Variants in GFRAL observed in about 807,000 individuals in gnomAD.
GFRAL encodes GDNF family receptor alpha like.
A neutral mutation model predicts 45.4 loss-of-function variants in GFRAL; 36 were observed. The observed-to-expected ratio is 0.79, with a 90% CI of 0.61 to 1.05. The LOEUF (loss-of-function observed/expected upper bound fraction) is 1.05. Ranked by LOEUF, GFRAL falls within the 50% of genes least tolerant of loss-of-function variation. The probability of loss-of-function intolerance (pLI) is 0.00; values close to 1 mark genes in which losing one functional copy is unlikely to be tolerated. For synonymous variants in GFRAL, 166 were observed against 154.1 expected (o/e 1.08, Z -0.57); for missense variants, 507 against 467.5 (o/e 1.08, Z -0.78).
intron 3 of GFRAL, among the ~76,000 whole-genome samples, chr6:55,336,960 TA>T (rs1370306221): frequency 1.3e-5 from 2 of 152,100 alleles, no homozygotes; most frequent in African/African-American, 2.4e-5. Flanking sequence ...AATACTTTTT[TA>T]GCCTCTATTA....
chr6:55,329,574 A>C (rs1240324679), intron 1 of GFRAL, among the ~76,000 whole-genome samples: 2 of 152,108 alleles, frequency 1.3e-5, no homozygotes, highest in Non-Finnish European at 2.9e-5. Context: ...TGACCAAGTA[A>C]ATTTGTGCTA....
chr6:55,395,446 G>A (rs1290981032), intron 6 of GFRAL, among the ~76,000 whole-genome samples: 1 of 151,536 alleles, frequency 6.6e-6, no homozygotes, highest in African/African-American at 2.4e-5. Flanking sequence ...CCTAGTGCTT[G>A]TGTAATATAA....
intron 6 of GFRAL, among the ~76,000 whole-genome samples, chr6:55,373,145 A>G (rs1425724321): frequency 6.6e-6 from 1 of 152,072 alleles, no homozygotes; most frequent in Non-Finnish European, 1.5e-5. Flanking sequence ...AATAACACAC[A>G]GTGAGATCCT....
At position 55,341,702 on chromosome 6, in the gene GFRAL, G is replaced by A. The variant is rs138058561; in HGVS notation, c.316+7758G>A. Among the ~76,000 whole-genome samples, 26 of 152,280 alleles carry A rather than the reference G, an allele frequency of 1.7e-4. No homozygotes were observed. In the East Asian group the frequency reaches 4.8e-3, roughly 28 times the overall value. ...GACTTTGACGAGTTCAGAGAATAAG[G>A]TTTCAGATGATCAAACTTCTCTGAG... On this transcript the variant is annotated intron_variant, in intron 3 of 8. Transcript: ENST00000340465.
chr6:55,346,371 A>C (rs1367260971), intron 3 of GFRAL, among the ~76,000 whole-genome samples: 2 of 152,208 alleles, frequency 1.3e-5, no homozygotes, highest in Non-Finnish European at 2.9e-5. Flanking sequence ...ATAAAAAAGG[A>C]TGAGTTCATG....
intron 5 of GFRAL, among the ~76,000 whole-genome samples, chr6:55,354,706 A>G (rs1768164107): frequency 6.6e-6 from 1 of 152,058 alleles, no homozygotes; most frequent in Non-Finnish European, 1.5e-5. Context: ...AAATCTCCAA[A>G]TGGAAAACCA....
chr6:55,398,113 A>AT (rs1768850592), intron 6 of GFRAL, among the ~76,000 whole-genome samples: 1 of 152,158 alleles, frequency 6.6e-6, no homozygotes, highest in Non-Finnish European at 1.5e-5. Flanking sequence ...CTAAGCATGC[A>AT]TTTTTCAGTG....
chr6:55,333,220 ATAAT>A (rs1402867500), intron 2 of GFRAL, among the ~76,000 whole-genome samples: 2 of 152,170 alleles, frequency 1.3e-5, no homozygotes, highest in Non-Finnish European at 1.5e-5. Flanking sequence ...TTTATTCAGA[ATAAT>A]AAATAAAAGA....
At chr6:55,388,362 G>A (rs540763781) in intron 6 of GFRAL, among the ~76,000 whole-genome samples, 2 of 152,244 alleles carry the variant, frequency 1.3e-5, no homozygotes, top group South Asian at 2.1e-4. Flanking sequence ...CTCAGAGGGC[G>A]ACTCATCTTA....
rs766266730 is a variant in GFRAL at position 55,351,331 on chromosome 6, C to G, written c.449C>G (p.Ser150Cys). ...GTGGTCTGTAATGCACAGTTGGCCT[C>G]TTACCTTAAAGCTTGCTCAGCAAAT... is the stretch of plus-strand genomic sequence containing the variant. ...GDVVCNAQLASYLKACSANGN... is the reference protein window; with the variant it reads ...GDVVCNAQLACYLKACSANGN... Residue 150 changes from serine to cysteine, a missense_variant, in exon 5 of 9, where the codon TCT becomes TGT. Coordinates refer to ENST00000340465, the MANE Select transcript of GFRAL (RefSeq NM_207410.2). 6.2e-7 allele frequency: 1 copy of G among 1,613,608 alleles called. No individual in the cohort carries two copies. The highest frequency in any genetic ancestry group is 1.1e-5 in the South Asian group (1 of 91,076).
chr6:55,399,959 T>C (rs1768874720), intron 8 of GFRAL, among the ~76,000 whole-genome samples: 1 of 152,144 alleles, frequency 6.6e-6, no homozygotes, highest in East Asian at 1.9e-4. Flanking sequence ...GACATTACCA[T>C]TGCCTGACAT....
chr6:55,396,724 A>G (rs905184839), intron 6 of GFRAL, among the ~76,000 whole-genome samples: 1 of 152,136 alleles, frequency 6.6e-6, no homozygotes, highest in Non-Finnish European at 1.5e-5. Context: ...AAAAAAAAGT[A>G]TTATTTAAAA....
At chr6:55,382,773 C>G (rs892354954) in intron 6 of GFRAL, among the ~76,000 whole-genome samples, 4 of 151,922 alleles carry the variant, frequency 2.6e-5, no homozygotes, top group African/African-American at 4.8e-5. Flanking sequence ...CAAGTTACTT[C>G]TCTCACTTTC....
chr6:55,388,771 C>T (rs1028664912), intron 6 of GFRAL, among the ~76,000 whole-genome samples: 2 of 152,172 alleles, frequency 1.3e-5, no homozygotes, highest in Admixed American at 6.5e-5. Context: ...GGTAACATCT[C>T]TTACTGATCC....
At chr6:55,397,524 C>CAAAAAAAAAAAAAAAAA (rs70986715) in intron 6 of GFRAL, among the ~76,000 whole-genome samples, 41 of 67,408 alleles carry the variant, frequency 6.1e-4, no homozygotes, top group Non-Finnish European at 9.5e-4. Context: ...GACTCCGTCT[C>CAAAAAAAAAAAAAAAAA]AAAAAAAAAA....
intron 3 of GFRAL, among the ~76,000 whole-genome samples, chr6:55,344,937 C>T (rs1168504885): frequency 2.0e-5 from 3 of 152,134 alleles, no homozygotes; most frequent in Admixed American, 1.3e-4. Context: ...AACTCCCATT[C>T]ACAATTGTTT....
intron 5 of GFRAL, 75 bp from the exon 6 acceptor site, chr6:55,358,813 A>G: frequency 7.3e-7 from 1 of 1,378,180 alleles, no homozygotes; most frequent in Non-Finnish European, 1.0e-6. Context: ...GTCTTTCATT[A>G]GGTGAGGGGG....
chr6:55,396,779 AT>A, intron 6 of GFRAL, among the ~76,000 whole-genome samples: 1 of 152,068 alleles, frequency 6.6e-6, no homozygotes, highest in Non-Finnish European at 1.5e-5. Context: ...TATAAAAGTA[AT>A]TTTACAATCA....
intron 6 of GFRAL, among the ~76,000 whole-genome samples, chr6:55,359,750 C>G (rs973632551): frequency 3.3e-5 from 5 of 152,100 alleles, no homozygotes; most frequent in African/African-American, 1.2e-4. Flanking sequence ...TTCCTAATGG[C>G]TAAACCCCAT....
Sources: gnomAD v4.1 joint callset for allele counts (sites outside exome capture counted in the v4.1 genomes callset) on GRCh38, gnomAD v4.1.1 for gene constraint, MANE v1.5 for transcripts, NCBI Gene and HGNC (gene_info 2026-07-23, HGNC 2026-07-21) for gene names.